Variants in PARN observed in about 807,000 individuals in gnomAD.
The protein encoded by PARN is poly(A)-specific ribonuclease PARN.
A neutral mutation model predicts 102.8 loss-of-function variants in PARN; 71 were observed. The observed-to-expected ratio is 0.69, with a 90% CI of 0.57 to 0.84. PARN has a LOEUF of 0.84. Among genes scored for constraint, PARN ranks in the 40% least tolerant of loss-of-function variants. The pLI is 0.00. For missense variants in PARN, 782 were observed against 760.9 expected (o/e 1.03, Z -0.33); for synonymous variants, 261 against 252.9 (o/e 1.03, Z -0.30).
chr16:14,524,590 A>C (rs1243258266), intron 21 of PARN, among the ~76,000 whole-genome samples: 1 of 152,232 alleles, frequency 6.6e-6, no homozygotes, highest in African/African-American at 2.4e-5. Flanking sequence ...CCTACTGATA[A>C]TTTAAAGGAA....
intron 22 of PARN, among the ~76,000 whole-genome samples, chr16:14,474,056 G>A (rs546135681): frequency 6.6e-6 from 1 of 152,224 alleles, no homozygotes; most frequent in African/African-American, 2.4e-5. Flanking sequence ...GCAGTGGTGG[G>A]ATCATGGCTC....
rs375845272 is a variant in PARN at position 14,446,854 on chromosome 16, C to T, written c.1864+34G>A. 7.2e-5 allele frequency: 110 copies of T among 1,518,600 alleles called. No individual in the cohort carries two copies. The African/African-American group carries it at 1.3e-3, about 18-fold the overall frequency. The allele number at this position is 1,518,600 out of a possible 1,614,324, so 94.1% of individuals were successfully genotyped here. ...GTTTCTAGAGCATTTAAATAGTCCA[C>T]GGCCCCAGAACTTCGGCAAGATCCA... On this transcript the variant is annotated intron_variant, in intron 23 of 23. Coordinates refer to ENST00000437198, the MANE Select transcript of PARN (RefSeq NM_002582.4).
intron 21 of PARN, among the ~76,000 whole-genome samples, chr16:14,521,452 A>G (rs1243638044): frequency 6.6e-6 from 1 of 152,240 alleles, no homozygotes; most frequent in Non-Finnish European, 1.5e-5. Flanking sequence ...TCCACTGAAC[A>G]TCAGTTCACA....
intron 21 of PARN, among the ~76,000 whole-genome samples, chr16:14,525,734 C>T (rs1028372153): frequency 6.6e-6 from 1 of 152,166 alleles, no homozygotes; most frequent in Non-Finnish European, 1.5e-5. Flanking sequence ...GTAGGCTCCA[C>T]CAGGAAAAGA....
intron 22 of PARN, among the ~76,000 whole-genome samples, chr16:14,451,041 C>G (rs1380300070): frequency 6.6e-6 from 1 of 152,232 alleles, no homozygotes; most frequent in Non-Finnish European, 1.5e-5. Context: ...CCTCTATCAT[C>G]TGGGTCCCAA....
intron 18 of PARN, among the ~76,000 whole-genome samples, chr16:14,569,379 G>A (rs1567396119): frequency 2.0e-5 from 3 of 152,170 alleles, no homozygotes; most frequent in East Asian, 1.9e-4. Flanking sequence ...CCTTATCAGC[G>A]CTGCTGCCCA....
At chr16:14,600,460 T>C (rs1389703237) in intron 11 of PARN, among the ~76,000 whole-genome samples, 2 of 152,144 alleles carry the variant, frequency 1.3e-5, no homozygotes, top group Admixed American at 6.5e-5. Context: ...TCCAGCAGTG[T>C]TGAAAGAGGC....
chr16:14,566,230 G>A (rs1665309976), intron 18 of PARN, among the ~76,000 whole-genome samples: 1 of 152,154 alleles, frequency 6.6e-6, no homozygotes, highest in Admixed American at 6.5e-5. Flanking sequence ...TAATATCTGG[G>A]ATTGATGATA....
At chr16:14,617,469 G>A (rs537305091) in intron 6 of PARN, 121 bp downstream of exon 6, 2 of 657,358 alleles carry the variant, frequency 3.0e-6, no homozygotes, top group East Asian at 5.3e-5. Flanking sequence ...CATGTATGCT[G>A]GAACTCTAAG....
chr16:14,538,548 T>A (rs987877193), intron 21 of PARN, among the ~76,000 whole-genome samples: 2 of 152,126 alleles, frequency 1.3e-5, no homozygotes, highest in Non-Finnish European at 2.9e-5. Flanking sequence ...ATGAGATTGA[T>A]GTACTTCAAA....
chr16:14,439,246 C>A (rs1455642076), intron 23 of PARN, among the ~76,000 whole-genome samples: 1 of 151,906 alleles, frequency 6.6e-6, no homozygotes, highest in African/African-American at 2.4e-5. Context: ...GTGGCACACA[C>A]CTGTGGTCCC....
At chr16:14,453,006 G>A (rs1031857373) in intron 22 of PARN, among the ~76,000 whole-genome samples, 2 of 152,194 alleles carry the variant, frequency 1.3e-5, no homozygotes, top group African/African-American at 4.8e-5. Context: ...CTCAATACCT[G>A]CATGTTGATG....
intron 21 of PARN, among the ~76,000 whole-genome samples, chr16:14,532,769 C>G (rs1465604525): frequency 6.6e-6 from 1 of 150,540 alleles, no homozygotes; most frequent in Non-Finnish European, 1.5e-5. Flanking sequence ...CTGACCCCCC[C>G]ACCTCCCTCC....
chr16:14,445,498 GATT>G (rs1263857053), intron 23 of PARN, among the ~76,000 whole-genome samples: 1 of 152,218 alleles, frequency 6.6e-6, no homozygotes, highest in Non-Finnish European at 1.5e-5. Context: ...AAAGGAGAAT[GATT>G]ATAATTGTGT....
At chr16:14,437,711 T>G (rs1245939214) in intron 23 of PARN, among the ~76,000 whole-genome samples, 1 of 152,146 alleles carries the variant, frequency 6.6e-6, no homozygotes, top group African/African-American at 2.4e-5. Context: ...AAACTGGCAG[T>G]CTCTCTTCTA....
intron 5 of PARN, among the ~76,000 whole-genome samples, chr16:14,619,930 C>A (rs1329523268): frequency 1.3e-5 from 2 of 149,860 alleles, no homozygotes; most frequent in Admixed American, 1.3e-4. Context: ...ATTAGCCAGG[C>A]GTGGTGGTGC....
chr16:14,507,472 G>A (rs1333178607), intron 21 of PARN, among the ~76,000 whole-genome samples: 1 of 152,146 alleles, frequency 6.6e-6, no homozygotes, highest in Non-Finnish European at 1.5e-5. Flanking sequence ...CAAGGTGGGT[G>A]CATAGCTTGG....
chr16:14,532,594 A>G (rs1395685629), intron 21 of PARN, among the ~76,000 whole-genome samples: 1 of 151,882 alleles, frequency 6.6e-6, no homozygotes, highest in East Asian at 1.9e-4. Flanking sequence ...CAACCATCCG[A>G]TTTCTCAATC....
chr16:14,597,577 G>C (rs1304780968), intron 12 of PARN, among the ~76,000 whole-genome samples: 1 of 151,902 alleles, frequency 6.6e-6, no homozygotes, highest in Non-Finnish European at 1.5e-5. Context: ...GGCGCCTGTA[G>C]TCCCAGCTAC....
Sources: gnomAD v4.1 joint callset for allele counts (sites outside exome capture counted in the v4.1 genomes callset) on GRCh38, gnomAD v4.1.1 for gene constraint, MANE v1.5 for transcripts, NCBI Gene and HGNC (gene_info 2026-07-23, HGNC 2026-07-21) for gene names.